ZFP14: variants seen among roughly 807,000 people sequenced by gnomAD.
ZFP14 encodes ZFP14 zinc finger protein, also known as zinc finger protein 14 homolog.
In ZFP14, 22 loss-of-function variants were observed where a neutral mutation model predicts 54.5. The ratio of observed to expected loss-of-function variants is 0.40; its 90% CI spans 0.29 to 0.58. The LOEUF (loss-of-function observed/expected upper bound fraction) is 0.58. Ranked by LOEUF, ZFP14 falls within the 20% of genes least tolerant of loss-of-function variation. The probability of loss-of-function intolerance (pLI) is 0.39; values close to 1 mark genes in which losing one functional copy is unlikely to be tolerated. For synonymous variants in ZFP14, 159 were observed against 204.0 expected (o/e 0.78, Z 1.88); for missense variants, 470 against 637.8 (o/e 0.74, Z 2.83).
intron 4 of ZFP14, among the ~76,000 whole-genome samples, chr19:36,357,303 A>G (rs1402771332): frequency 6.6e-6 from 1 of 152,166 alleles, no homozygotes; most frequent in African/African-American, 2.4e-5. Context: ...TTGGCCTCCC[A>G]AAGTGCTAGG....
At chr19:36,357,107 A>T (rs1298755590) in intron 4 of ZFP14, among the ~76,000 whole-genome samples, 1 of 152,184 alleles carries the variant, frequency 6.6e-6, no homozygotes, top group Non-Finnish European at 1.5e-5. Context: ...CAGCGGTGTG[A>T]TCTTGGCTCA....
intron 4 of ZFP14, among the ~76,000 whole-genome samples, chr19:36,358,098 T>C (rs977677915): frequency 1.3e-5 from 2 of 150,522 alleles, no homozygotes; most frequent in Admixed American, 6.6e-5. Flanking sequence ...CTATCATCTA[T>C]CTATCTATCT....
At chr19:36,360,393 C>A in intron 4 of ZFP14, 42 bp downstream of exon 4, 1 of 1,574,870 alleles carries the variant, frequency 6.3e-7, no homozygotes, top group South Asian at 1.1e-5. Context: ...TAGCTATTAC[C>A]TGCAGTAGTG....
Position 36,355,070 on chromosome 19 carries a change from T to C in ZFP14, c.235+5365A>G, listed in dbSNP as rs1473503168. 4.9e-5 allele frequency among the ~76,000 whole-genome samples: 7 copies of C among 143,624 alleles called. 2 individuals are homozygous for C. Among genetic ancestry groups the C allele is most frequent in the Admixed American group, 2.2e-4 (3 of 13,934 alleles). The allele number at this position is 143,624 out of a possible 152,430, so 94.2% of individuals were successfully genotyped here. On this transcript the variant is annotated intron_variant, in intron 4 of 4. Coordinates refer to ENST00000270001, the MANE Select transcript of ZFP14 (RefSeq NM_020917.3). ...TCCTATTAAGATGTAAGCAACATGA[T>C]TGCTGGGACCCATGATTCTCATTCA...
At chr19:36,378,146 G>C (rs2031992598) in intron 1 of ZFP14, 1 of 152,234 alleles carries the variant, frequency 6.6e-6, no homozygotes, top group Non-Finnish European at 1.5e-5. Flanking sequence ...CCAGCTGAAA[G>C]ATTCTAAGGA....
At position 36,340,069 on chromosome 19, in the gene ZFP14, A is replaced by G. The variant is rs2031280827; in HGVS notation, c.*155T>C. On this transcript the variant is annotated 3_prime_UTR_variant, in exon 5 of 5. Transcript: ENST00000270001. The surrounding 1 kb of genome is among the most constrained non-coding windows in gnomAD (Gnocchi z 5.4). ...TCTCATAGGAATTTGCTGAAGATAAACCATGTTTAAATGGTGTTGGAAGGC... is the reference window on the plus strand; with the variant it reads ...TCTCATAGGAATTTGCTGAAGATAAGCCATGTTTAAATGGTGTTGGAAGGC... 2.6e-6 allele frequency: 2 copies of G among 755,760 alleles called. No homozygotes were observed. Among genetic ancestry groups the G allele is most frequent in the South Asian group, 6.7e-5 (2 of 30,020 alleles). 46.8% of individuals were successfully genotyped at this position (755,760 alleles called of 1,614,324 possible).
Position 36,359,907 on chromosome 19 carries a change from G to C in ZFP14, c.235+528C>G, listed in dbSNP as rs554620676. Reference sequence around the variant, plus strand: ...TGACCTCAAGTGACCAGCCTGCCTCGGCCTCCCAAAACGCTGGGATTACCA... The same window carrying C: ...TGACCTCAAGTGACCAGCCTGCCTCCGCCTCCCAAAACGCTGGGATTACCA... On this transcript the variant is annotated intron_variant, in intron 4 of 4. Transcript: ENST00000270001. Among the ~76,000 whole-genome samples the C allele has an allele frequency of 1.8e-4, 28 of 152,070 alleles. No individual in the cohort carries two copies. The South Asian group carries it at 5.8e-3, about 32-fold the overall frequency.
chr19:36,340,689 TAATCTA>T lies in ZFP14; in HGVS notation c.1131_1136del (p.Phe377_Arg378del). ...TCTGATGGCGAACTAGTTGTTGTCT[TAATCTA>T]AAAGTCTTCCCACATTCCTTACATT... is the stretch of plus-strand genomic sequence containing the variant. On this transcript the variant is annotated inframe_deletion, in exon 5 of 5. Coordinates refer to ENST00000270001, the MANE Select transcript of ZFP14 (RefSeq NM_020917.3). The surrounding 1 kb of genome is among the most constrained non-coding windows in gnomAD (Gnocchi z 5.4). 1.2e-6 allele frequency: 2 copies of T among 1,613,672 alleles called. No homozygotes were observed. The highest frequency in any genetic ancestry group is 1.7e-6 in the Non-Finnish European group (2 of 1,179,848).
chr19:36,367,294 A>G (rs940004525), intron 2 of ZFP14, among the ~76,000 whole-genome samples: 5 of 152,158 alleles, frequency 3.3e-5, no homozygotes, highest in African/African-American at 1.2e-4. Flanking sequence ...CCACTGGAAG[A>G]TGTTAACAGG....
chr19:36,343,930 C>T (rs185228507), intron 4 of ZFP14, among the ~76,000 whole-genome samples: 3 of 152,298 alleles, frequency 2.0e-5, no homozygotes, highest in African/African-American at 7.2e-5. Context: ...TAGATCCCAC[C>T]CATTGGGGAT....
intron 1 of ZFP14, 145 bp downstream of exon 1, chr19:36,379,018 C>T (rs1279802193): frequency 6.6e-6 from 1 of 152,394 alleles, no homozygotes; most frequent in Non-Finnish European, 1.5e-5. Context: ...GGCTCTGAAG[C>T]GAGAAGGCAG....
At chr19:36,370,256 C>CA (rs1351180623) in intron 1 of ZFP14, among the ~76,000 whole-genome samples, 3 of 152,070 alleles carry the variant, frequency 2.0e-5, no homozygotes, top group African/African-American at 4.8e-5. Flanking sequence ...ACAGTGTAGA[C>CA]AGAGGTATTG....
rs2031199892 is a variant in ZFP14, at chr19:36,336,469, C to A, written c.*3755G>T. On this transcript the variant is annotated 3_prime_UTR_variant, in exon 5 of 5. Coordinates refer to ENST00000270001, the MANE Select transcript of ZFP14 (RefSeq NM_020917.3). ...GGTCAGGCTGGTCTCAAAATCCCGA[C>A]CTCAGGTGATCCACCTGCCATGGCC... The A allele has an allele frequency of 6.6e-6, 1 of 152,094 alleles. No individual in the cohort carries two copies. Among genetic ancestry groups the A allele is most frequent in the South Asian group, 2.1e-4 (1 of 4,822 alleles). The allele number at this position is 152,094 out of a possible 1,614,324, so 9.4% of individuals were successfully genotyped here.
At position 36,336,206 on chromosome 19, in the gene ZFP14, A is replaced by C. The variant is rs1160372822; in HGVS notation, c.*4018T>G. The C allele has an allele frequency of 6.9e-6, 1 of 145,022 alleles. No individual in the cohort carries two copies. The highest frequency in any genetic ancestry group is 2.6e-5 in the African/African-American group (1 of 38,978). 9.0% of individuals were successfully genotyped at this position (145,022 alleles called of 1,614,324 possible). A position where few individuals can be genotyped will look rare whatever the true frequency, so the allele number is the denominator to read the frequency against. On this transcript the variant is annotated 3_prime_UTR_variant, in exon 5 of 5. Transcript: ENST00000270001. ...CAAGTCTAATATTCTCCATTCTCTT[A>C]ATTTCTACTTTCTACTGTTACTTGG...
chr19:36,378,965 C>T (rs2032006363), intron 1 of ZFP14, 198 bp downstream of exon 1: 1 of 152,276 alleles, frequency 6.6e-6, no homozygotes, highest in Admixed American at 6.5e-5. Context: ...CTCCGGGGTT[C>T]CTGTATCTAA....
At chr19:36,342,175 CTTTT>C (rs35293783) in intron 4 of ZFP14, among the ~76,000 whole-genome samples, 32 of 74,620 alleles carry the variant, frequency 4.3e-4, no homozygotes, top group African/African-American at 1.6e-3. Flanking sequence ...CATTCTATGC[CTTTT>C]TTTTTTTTTT....
intron 1 of ZFP14, among the ~76,000 whole-genome samples, chr19:36,375,769 G>C (rs899692102): frequency 6.6e-6 from 1 of 152,026 alleles, no homozygotes; most frequent in Non-Finnish European, 1.5e-5. Flanking sequence ...GTGTTAGCCA[G>C]GATGGTCTCG....
Position 36,341,522 on chromosome 19 carries a change from G to T in ZFP14, c.304C>A (p.Gln102Lys). The T allele has an allele frequency of 6.2e-7, 1 of 1,608,744 alleles. No homozygotes were observed. Among genetic ancestry groups the T allele is most frequent in the Non-Finnish European group, 8.5e-7 (1 of 1,178,692 alleles). The part of the protein sequence containing the change: ...EKDIYEIYSF[Q>K]WDIMERIKSY... ...TTAATTCTTTCCATTATATCCCACT[G>T]AAATGAATATATTTCATAAATGTCC... The change falls in exon 5 of 5, where the codon CAG becomes AAG. Residue 102 changes from glutamine to lysine, a missense_variant. By Grantham distance (53) the Gln-to-Lys change is moderately conservative. Coordinates refer to ENST00000270001, the MANE Select transcript of ZFP14 (RefSeq NM_020917.3). The surrounding 1 kb of genome is among the most constrained non-coding windows in gnomAD (Gnocchi z 4.2).
intron 2 of ZFP14, among the ~76,000 whole-genome samples, chr19:36,363,599 G>A (rs910510788): frequency 1.3e-5 from 2 of 152,090 alleles, no homozygotes; most frequent in African/African-American, 4.8e-5. Context: ...AAGGGTGTGA[G>A]TGTTACAGGC....
Sources: allele counts gnomAD v4.1 joint callset (sites outside exome capture counted in the v4.1 genomes callset), GRCh38; gene constraint gnomAD v4.1.1; non-coding constraint Gnocchi (gnomAD v3.1); transcripts MANE v1.5; gene names NCBI Gene and HGNC (gene_info 2026-07-23, HGNC 2026-07-21).